BTAF1: variants seen among roughly 807,000 people sequenced by gnomAD.
The protein encoded by BTAF1 is TATA-binding protein-associated factor 172.
BTAF1 carries 38 observed loss-of-function variants against 227.1 expected under a neutral mutation model. The observed-to-expected ratio is 0.17, with a 90% CI of 0.13 to 0.22. The LOEUF is 0.22. BTAF1 is among the 10% of genes least tolerant of loss of function. The probability of loss-of-function intolerance (pLI) is 1.00; values close to 1 mark genes in which losing one functional copy is unlikely to be tolerated. For missense variants in BTAF1, 1,598 were observed against 2,204.0 expected, an observed-to-expected ratio of 0.73 and a Z score of 5.51; for synonymous variants, 742 against 751.9, an observed-to-expected ratio of 0.99 and a Z score of 0.21.
chr10:92,008,376 C>T (rs1350964559), intron 26 of BTAF1, 101 bp downstream of exon 26: 6 of 1,172,124 alleles, frequency 5.1e-6, no homozygotes, highest in Non-Finnish European at 5.8e-6. Context: ...CAGAGTCTTG[C>T]TCTGTTGCCC....
intron 18 of BTAF1, 120 bp downstream of exon 18, chr10:91,982,881 GAA>G: frequency 9.4e-7 from 1 of 1,059,516 alleles, no homozygotes; most frequent in Non-Finnish European, 1.3e-6. Context: ...AAGAGTTACA[GAA>G]AAGTGTCCAA....
At chr10:92,001,307 G>A (rs188540581) in intron 25 of BTAF1, among the ~76,000 whole-genome samples, 1 of 152,284 alleles carries the variant, frequency 6.6e-6, no homozygotes, top group East Asian at 1.9e-4. Flanking sequence ...GTCCACAGGG[G>A]GGTTCTCCCA....
At chr10:91,989,110 G>A (rs760445318) in intron 19 of BTAF1, 44 bp from the exon 20 acceptor site, 7 of 1,502,286 alleles carry the variant, frequency 4.7e-6, no homozygotes, top group Non-Finnish European at 1.8e-6. Context: ...GTCTATTTGG[G>A]GTTGATATGA....
intron 3 of BTAF1, among the ~76,000 whole-genome samples, chr10:91,942,204 A>T (rs1273133716): frequency 6.6e-6 from 1 of 152,016 alleles, no homozygotes; most frequent in East Asian, 1.9e-4. Flanking sequence ...GAAGTCCTTG[A>T]TCCCAGGAGT....
At chr10:91,989,829 C>A (rs530235072) in intron 20 of BTAF1, among the ~76,000 whole-genome samples, 92 of 152,308 alleles carry the variant, frequency 6.0e-4, no homozygotes, top group African/African-American at 2.1e-3. Context: ...TGACTGAAAT[C>A]TGTAAGACAG....
chr10:91,936,936 G>C (rs1483663405), intron 2 of BTAF1, among the ~76,000 whole-genome samples: 1 of 151,944 alleles, frequency 6.6e-6, no homozygotes, highest in Non-Finnish European at 1.5e-5. Flanking sequence ...GGCGAAGTTT[G>C]CCTTTAGCAC....
Position 91,923,991 on chromosome 10 carries a change from C to A in BTAF1, c.-86C>A, listed in dbSNP as rs1220534273. The A allele has an allele frequency of 1.3e-6, 2 of 1,527,216 alleles. No homozygotes were observed. The highest frequency in any genetic ancestry group is 1.4e-5 in the African/African-American group (1 of 71,420). 94.6% of individuals were successfully genotyped at this position (1,527,216 alleles called of 1,614,324 possible). A position where few individuals can be genotyped will look rare whatever the true frequency, so the allele number is the denominator to read the frequency against. On this transcript the variant is annotated 5_prime_UTR_variant, in exon 1 of 38. Coordinates refer to ENST00000265990, the MANE Select transcript of BTAF1 (RefSeq NM_003972.3). ...GCTCCCCTGTGCTCCGCGGCCTGGG[C>A]CTGCGCCGCTCAGCTCTCTGGAAAC...
chr10:91,947,509 A>T (rs768046806), intron 4 of BTAF1, among the ~76,000 whole-genome samples: 22 of 152,154 alleles, frequency 1.4e-4, no homozygotes, highest in Non-Finnish European at 2.6e-4. Context: ...GTCAAAAATC[A>T]ATTGACCATC....
chr10:91,926,911 C>T (rs1424387747), intron 1 of BTAF1, among the ~76,000 whole-genome samples: 1 of 152,172 alleles, frequency 6.6e-6, no homozygotes, highest in Non-Finnish European at 1.5e-5. Context: ...ATAAAGTCCA[C>T]ATTCTCAAAC....
Position 91,944,268 on chromosome 10 carries a change from A to G in BTAF1, c.400+1700A>G, listed in dbSNP as rs1216507912. 2.0e-5 allele frequency among the ~76,000 whole-genome samples: 3 copies of G among 152,200 alleles called. No individual in the cohort carries two copies. In the East Asian group the frequency reaches 5.8e-4, roughly 29 times the overall value. On this transcript the variant is annotated intron_variant, in intron 4 of 37. Transcript: ENST00000265990. ...GTGCTAGTAAGTCACAGCTTGCTGA[A>G]CAGTGCTTGTTTAAAACCCTGTAGT...
At chr10:91,962,396 C>A in intron 11 of BTAF1, 142 bp from the exon 12 acceptor site, 1 of 566,110 alleles carries the variant, frequency 1.8e-6, no homozygotes, top group Non-Finnish European at 3.1e-6. Context: ...TGATGTATTT[C>A]TCAGAATGTA....
chr10:91,953,505 AAAGTTAAGAAGCAT>A (rs1193044183), intron 5 of BTAF1, among the ~76,000 whole-genome samples: 1 of 152,216 alleles, frequency 6.6e-6, no homozygotes, highest in Non-Finnish European at 1.5e-5. Flanking sequence ...TAGCATAAAA[AAAGTTAAGAAGCAT>A]ATGTGTATCT....
intron 23 of BTAF1, 76 bp from the exon 24 acceptor site, chr10:91,996,293 G>A (rs1849143240): frequency 1.5e-6 from 2 of 1,312,918 alleles, no homozygotes; most frequent in East Asian, 2.4e-5. Flanking sequence ...AAACTTTCCT[G>A]AGTATGGGCT....
chr10:92,009,016 T>C, intron 27 of BTAF1, 25 bp from the exon 28 acceptor site: 1 of 1,612,754 alleles, frequency 6.2e-7, no homozygotes. Context: ...AGCTGGTTAA[T>C]TTATTGTGTT....
intron 2 of BTAF1, among the ~76,000 whole-genome samples, chr10:91,937,112 A>C: frequency 6.7e-6 from 1 of 149,962 alleles, no homozygotes; most frequent in East Asian, 2.0e-4. Context: ...CTCCTGCCTT[A>C]GCCTCCCGAG....
intron 3 of BTAF1, among the ~76,000 whole-genome samples, chr10:91,941,214 T>C (rs1000681775): frequency 5.3e-5 from 8 of 152,244 alleles, no homozygotes; most frequent in Non-Finnish European, 1.0e-4. Context: ...TAGTTTGGTA[T>C]GTAAAGATGG....
chr10:91,995,175 T>C (rs1473772401), intron 23 of BTAF1, among the ~76,000 whole-genome samples: 7 of 152,140 alleles, frequency 4.6e-5, no homozygotes, highest in Admixed American at 2.0e-4. Context: ...GTTTTTTTCA[T>C]AGAAGAATAT....
intron 32 of BTAF1, among the ~76,000 whole-genome samples, chr10:92,014,829 TAC>T (rs1220449669): frequency 6.6e-6 from 1 of 152,180 alleles, no homozygotes; most frequent in African/African-American, 2.4e-5. Flanking sequence ...AGAGTGTACT[TAC>T]ACACACCTAG....
chr10:92,001,147 G>A (rs779606603), intron 25 of BTAF1, among the ~76,000 whole-genome samples: 48 of 152,206 alleles, frequency 3.2e-4, no homozygotes, highest in Admixed American at 1.2e-3. Context: ...CTAGCTTATT[G>A]TCTGGAGGCA....
Sources: gnomAD v4.1 joint callset for allele counts (sites outside exome capture counted in the v4.1 genomes callset) on GRCh38, gnomAD v4.1.1 for gene constraint, MANE v1.5 for transcripts, NCBI Gene and HGNC (gene_info 2026-07-23, HGNC 2026-07-21) for gene names.